MAST4: variants seen among roughly 807,000 people sequenced by gnomAD.
MAST4 encodes the protein microtubule associated serine/threonine kinase family member 4.
Under a neutral mutation model 162.7 loss-of-function variants are expected in MAST4, and 89 were observed. The ratio of observed to expected loss-of-function variants is 0.55; its 90% CI spans 0.46 to 0.65. The LOEUF (loss-of-function observed/expected upper bound fraction) is 0.65. Ranked by LOEUF, MAST4 falls within the 30% of genes least tolerant of loss-of-function variation. MAST4 has a pLI of 0.00. For missense variants in MAST4, 3,153 were observed against 3,374.0 expected, an observed-to-expected ratio of 0.93 and a Z score of 1.62; for synonymous variants, 1,479 against 1,361.1, an observed-to-expected ratio of 1.09 and a Z score of -1.91.
chr5:66,615,989 C>T (rs1157618602), intron 1 of MAST4, among the ~76,000 whole-genome samples: 3 of 152,188 alleles, frequency 2.0e-5, no homozygotes, highest in Non-Finnish European at 4.4e-5. Flanking sequence ...ATGTTTTCTC[C>T]CCTTTCCAGT....
intron 1 of MAST4, among the ~76,000 whole-genome samples, chr5:66,604,622 A>G (rs2149385738): frequency 6.6e-6 from 1 of 152,354 alleles, no homozygotes; most frequent in South Asian, 2.1e-4. Context: ...AACTCACATC[A>G]GATGTGGGTC....
chr5:66,724,593 T>G (rs563419388), intron 1 of MAST4, among the ~76,000 whole-genome samples: 3 of 152,222 alleles, frequency 2.0e-5, no homozygotes, highest in Admixed American at 6.5e-5. Context: ...CATCATGGAG[T>G]GTACTTCTAC....
chr5:66,781,247 A>T (rs1433786943), intron 2 of MAST4, among the ~76,000 whole-genome samples: 1 of 152,240 alleles, frequency 6.6e-6, no homozygotes, highest in East Asian at 1.9e-4. Context: ...TACTAGACAC[A>T]GGGAAGGTAA....
At chr5:66,806,245 C>G (rs1414742288) in intron 3 of MAST4, among the ~76,000 whole-genome samples, 1 of 152,198 alleles carries the variant, frequency 6.6e-6, no homozygotes, top group African/African-American at 2.4e-5. Flanking sequence ...CCTTGGATTC[C>G]TTACCCTGTC....
intron 3 of MAST4, among the ~76,000 whole-genome samples, chr5:66,863,482 C>A (rs79114490): frequency 8.0e-4 from 122 of 152,344 alleles, no homozygotes; most frequent in African/African-American, 2.9e-3. Context: ...GATCCCTTTG[C>A]ACCTTTCCCC....
chr5:67,158,951 T>C (rs956341944), intron 26 of MAST4, among the ~76,000 whole-genome samples: 1 of 152,180 alleles, frequency 6.6e-6, no homozygotes, highest in Non-Finnish European at 1.5e-5. Flanking sequence ...GGAGAATCAC[T>C]TGAACCTGGG....
chr5:66,778,699 T>C (rs1754713069), intron 2 of MAST4, among the ~76,000 whole-genome samples: 1 of 152,212 alleles, frequency 6.6e-6, no homozygotes, highest in Admixed American at 6.5e-5. Flanking sequence ...CTATCTATGA[T>C]TGAGGGTGAA....
rs1774261899 is a variant in MAST4, at chr5:67,168,198, A to G, written c.*1147A>G. 1 of 152,108 alleles carries G rather than the reference A, an allele frequency of 6.6e-6. No individual in the cohort carries two copies. The highest frequency in any genetic ancestry group is 2.4e-5 in the African/African-American group (1 of 41,408). 9.4% of individuals were successfully genotyped at this position (152,108 alleles called of 1,614,324 possible). ...AAAGAATAATCAGGACATCAGATAC[A>G]TTTTAATACATAGCTGGGGCCTTAT... On this transcript the variant is annotated 3_prime_UTR_variant, in exon 29 of 29. Coordinates refer to ENST00000403625, the MANE Select transcript of MAST4 (RefSeq NM_001164664.2).
At chr5:67,064,444 A>G (rs1271158848) in intron 5 of MAST4, among the ~76,000 whole-genome samples, 1 of 152,234 alleles carries the variant, frequency 6.6e-6, no homozygotes, top group African/African-American at 2.4e-5. Context: ...CTTAGGACCA[A>G]AAATGCAGCA....
chr5:67,010,649 G>A (rs948809170), intron 4 of MAST4, among the ~76,000 whole-genome samples: 2 of 152,180 alleles, frequency 1.3e-5, no homozygotes, highest in African/African-American at 4.8e-5. Flanking sequence ...GAAATGCAGC[G>A]AGGTACAGGA....
intron 4 of MAST4, among the ~76,000 whole-genome samples, chr5:67,025,889 G>A (rs1460600105): frequency 6.6e-6 from 1 of 152,184 alleles, no homozygotes; most frequent in Non-Finnish European, 1.5e-5. Flanking sequence ...GTACTTTAAA[G>A]GAGTCTGTAT....
At chr5:67,139,972 A>G (rs918194183) in intron 19 of MAST4, among the ~76,000 whole-genome samples, 3 of 152,226 alleles carry the variant, frequency 2.0e-5, no homozygotes, top group African/African-American at 7.2e-5. Flanking sequence ...GTCTGCAGAG[A>G]TGAAATGAAG....
chr5:66,628,113 C>T (rs1406393423), intron 1 of MAST4, among the ~76,000 whole-genome samples: 1 of 152,080 alleles, frequency 6.6e-6, no homozygotes, highest in African/African-American at 2.4e-5. Flanking sequence ...CTCACTGCAG[C>T]CTTGAATCTC....
intron 4 of MAST4, among the ~76,000 whole-genome samples, chr5:66,943,752 A>C (rs951794451): frequency 8.6e-5 from 13 of 152,020 alleles, no homozygotes; most frequent in Non-Finnish European, 1.5e-5. Flanking sequence ...CAGCGAAAAA[A>C]AGTGCTGCCT....
rs1774372278 is a variant in MAST4, at chr5:67,169,413, T to G, written c.*2362T>G. On this transcript the variant is annotated 3_prime_UTR_variant, in exon 29 of 29. Coordinates refer to ENST00000403625, the MANE Select transcript of MAST4 (RefSeq NM_001164664.2). Reference sequence around the variant, plus strand: ...CTGTGTGATTGTAGGATGTGCTCCTTGGTAGTACTCCCAGCTGTAGATTTA... The same window carrying G: ...CTGTGTGATTGTAGGATGTGCTCCTGGGTAGTACTCCCAGCTGTAGATTTA... The G allele has an allele frequency of 6.6e-6, 1 of 152,210 alleles. No individual in the cohort carries two copies. The highest frequency in any genetic ancestry group is 2.4e-5 in the African/African-American group (1 of 41,454). The allele number at this position is 152,210 out of a possible 1,614,324, so 9.4% of individuals were successfully genotyped here.
chr5:66,982,711 C>T (rs1243762684), intron 4 of MAST4, among the ~76,000 whole-genome samples: 7 of 152,258 alleles, frequency 4.6e-5, no homozygotes, highest in African/African-American at 9.6e-5. Context: ...ATTCTGGCGG[C>T]GGATATCAGC....
At chr5:66,667,635 A>G (rs17270705) in intron 1 of MAST4, among the ~76,000 whole-genome samples, 2,022 of 152,300 alleles carry the variant, frequency 0.013, 30 homozygotes, top group South Asian at 0.024. Flanking sequence ...GTTGATGCCG[A>G]GTTCCTACTC....
intron 4 of MAST4, among the ~76,000 whole-genome samples, chr5:66,904,194 A>G (rs1164490477): frequency 6.6e-6 from 1 of 152,196 alleles, no homozygotes; most frequent in African/African-American, 2.4e-5. Flanking sequence ...AAAAGTGGAA[A>G]AGCCCAAGAT....
intron 6 of MAST4, chr5:67,094,137 G>A (rs757764679): frequency 6.8e-7 from 1 of 1,467,592 alleles, no homozygotes; most frequent in South Asian, 1.3e-5. Context: ...TGATTCATTT[G>A]TACTCCAATC....
Sources: allele counts gnomAD v4.1 joint callset (sites outside exome capture counted in the v4.1 genomes callset), GRCh38; gene constraint gnomAD v4.1.1; transcripts MANE v1.5; gene names NCBI Gene and HGNC (gene_info 2026-07-23, HGNC 2026-07-21).